The following CRIM1 variants were observed in gnomAD, a reference collection of about 807,000 sequenced individuals.
CRIM1 encodes cysteine rich transmembrane BMP regulator 1.
A neutral mutation model predicts 116.4 loss-of-function variants in CRIM1; 32 were observed. That is an observed-to-expected ratio of 0.27 (90% CI 0.21 to 0.37). CRIM1 has a LOEUF of 0.37. Among genes scored for constraint, CRIM1 ranks in the 10% least tolerant of loss-of-function variants. The probability of loss-of-function intolerance (pLI) is 1.00; values close to 1 mark genes in which losing one functional copy is unlikely to be tolerated. For synonymous variants in CRIM1, 590 were observed against 509.2 expected, an observed-to-expected ratio of 1.16 and a Z score of -2.13; for missense variants, 1,331 against 1,354.8, an observed-to-expected ratio of 0.98 and a Z score of 0.28.
At chr2:36,511,648 T>C (rs1197553038) in intron 9 of CRIM1, among the ~76,000 whole-genome samples, 1 of 152,192 alleles carries the variant, frequency 6.6e-6, no homozygotes, top group African/African-American at 2.4e-5. Flanking sequence ...TGTCAGCACA[T>C]TCAGGGAGGA....
At chr2:36,499,005 G>T (rs144132857) in intron 7 of CRIM1, among the ~76,000 whole-genome samples, 2 of 152,184 alleles carry the variant, frequency 1.3e-5, no homozygotes, top group Non-Finnish European at 2.9e-5. Flanking sequence ...TTGCTCAAAC[G>T]CAAAGAAGCA....
intron 7 of CRIM1, among the ~76,000 whole-genome samples, chr2:36,489,796 C>T (rs982666005): frequency 6.6e-6 from 1 of 152,160 alleles, no homozygotes; most frequent in African/African-American, 2.4e-5. Context: ...GCAAGGCCCC[C>T]ATCATGAGAG....
chr2:36,538,502 G>A (rs1387056080), intron 14 of CRIM1, among the ~76,000 whole-genome samples: 1 of 152,140 alleles, frequency 6.6e-6, no homozygotes, highest in Non-Finnish European at 1.5e-5. Context: ...TTCAATACAG[G>A]GAGCTGGGAA....
chr2:36,368,486 A>C (rs1479792549), intron 1 of CRIM1, among the ~76,000 whole-genome samples: 3 of 152,256 alleles, frequency 2.0e-5, no homozygotes, highest in Non-Finnish European at 1.5e-5. Context: ...CTGCGGCTCT[A>C]AAACTTAAAG....
chr2:36,476,941 G>T lies in CRIM1; in HGVS notation c.1044G>T (p.Met348Ile). 6.2e-7 allele frequency: 1 copy of T among 1,614,128 alleles called. No individual in the cohort carries two copies. The highest frequency in any genetic ancestry group is 1.3e-5 in the African/African-American group (1 of 75,052). ...FNNVEYYDGDMFRMDNCRFCR... is the reference protein window; with the variant it reads ...FNNVEYYDGDIFRMDNCRFCR... ...ATGTGGAATATTATGATGGAGACAT[G>T]TTTCGAATGGACAACTGTCGGTTCT... The change falls in exon 6 of 17, where the codon ATG (methionine) becomes ATT (isoleucine). Residue 348 changes from methionine (M) to isoleucine (I), a missense_variant. Met to Ile is a conservative substitution (Grantham distance 10). Around this residue, in one of 3 missense-constraint regions of CRIM1, gnomAD observed 690 missense variants for 676.0 expected, o/e 1.02. Coordinates refer to ENST00000280527, the MANE Select transcript of CRIM1 (RefSeq NM_016441.3).
intron 4 of CRIM1, among the ~76,000 whole-genome samples, chr2:36,453,512 A>G (rs1383188098): frequency 6.6e-6 from 1 of 152,226 alleles, no homozygotes; most frequent in African/African-American, 2.4e-5. Flanking sequence ...CGGGTAAGTA[A>G]TGAATGCTTT....
In CRIM1 at chr2:36,478,495, A is replaced by G. The variant is rs534013760; in HGVS notation, c.1175-1002A>G. Among the ~76,000 whole-genome samples, 12 of 152,292 alleles carry G rather than the reference A, an allele frequency of 7.9e-5. No homozygotes were observed. In the South Asian group the frequency reaches 2.5e-3, roughly 32 times the overall value. On this transcript the variant is annotated intron_variant, in intron 6 of 16. Transcript: ENST00000280527. Reference sequence around the variant, plus strand: ...CTCAACGTAGAAAAATATGTATTCTAATACTTTTTACACAGGAATTTAAAA... The same window carrying G: ...CTCAACGTAGAAAAATATGTATTCTGATACTTTTTACACAGGAATTTAAAA...
intron 13 of CRIM1, 95 bp from the exon 14 acceptor site, chr2:36,537,257 T>G: frequency 8.6e-7 from 1 of 1,167,358 alleles, no homozygotes; most frequent in Non-Finnish European, 1.2e-6. Flanking sequence ...AAGCATACTG[T>G]GATTATACAA....
At chr2:36,417,730 G>C (rs913411625) in intron 2 of CRIM1, among the ~76,000 whole-genome samples, 6 of 152,150 alleles carry the variant, frequency 3.9e-5, no homozygotes, top group Non-Finnish European at 1.5e-5. Context: ...GGTACGGCCC[G>C]AACTCAAGAG....
At chr2:36,392,865 G>C (rs1671724344) in intron 1 of CRIM1, among the ~76,000 whole-genome samples, 1 of 152,194 alleles carries the variant, frequency 6.6e-6, no homozygotes, top group African/African-American at 2.4e-5. Context: ...CTACGATGTT[G>C]TTAGCTTTAG....
At chr2:36,517,904 C>G (rs1665137156) in intron 12 of CRIM1, among the ~76,000 whole-genome samples, 1 of 152,060 alleles carries the variant, frequency 6.6e-6, no homozygotes, top group Non-Finnish European at 1.5e-5. Flanking sequence ...CTTTATGTAA[C>G]AAATGAGAAG....
intron 2 of CRIM1, among the ~76,000 whole-genome samples, chr2:36,410,296 T>C (rs1673109437): frequency 6.6e-6 from 1 of 152,168 alleles, no homozygotes; most frequent in Admixed American, 6.5e-5. Flanking sequence ...GAAAAGCAAA[T>C]GAAGTGCTTT....
At chr2:36,532,242 C>G (rs529434368) in intron 13 of CRIM1, among the ~76,000 whole-genome samples, 1 of 152,330 alleles carries the variant, frequency 6.6e-6, no homozygotes, top group South Asian at 2.1e-4. Flanking sequence ...TACAGCCTAC[C>G]AGGACTACTT....
At chr2:36,390,083 A>T (rs978648242) in intron 1 of CRIM1, among the ~76,000 whole-genome samples, 1 of 152,138 alleles carries the variant, frequency 6.6e-6, no homozygotes, top group African/African-American at 2.4e-5. Flanking sequence ...AGAAGGAAAG[A>T]ATTTCAGGCA....
At chr2:36,523,069 C>G (rs1288820707) in intron 13 of CRIM1, among the ~76,000 whole-genome samples, 2 of 151,780 alleles carry the variant, frequency 1.3e-5, no homozygotes, top group African/African-American at 2.4e-5. Flanking sequence ...ATTCTCCTGC[C>G]TCAGCCTCCC....
intron 5 of CRIM1, among the ~76,000 whole-genome samples, chr2:36,475,427 T>C (rs1335426623): frequency 6.6e-6 from 1 of 152,240 alleles, no homozygotes; most frequent in Non-Finnish European, 1.5e-5. Context: ...GGAGTTGCAA[T>C]TGTACTCTGC....
chr2:36,507,980 C>T (rs1338383308), intron 8 of CRIM1, among the ~76,000 whole-genome samples: 2 of 152,150 alleles, frequency 1.3e-5, no homozygotes, highest in African/African-American at 4.8e-5. Context: ...GTAGCCATGA[C>T]CTAAGCATTC....
At chr2:36,534,052 A>AGAAG (rs972346633) in intron 13 of CRIM1, among the ~76,000 whole-genome samples, 1 of 131,492 alleles carries the variant, frequency 7.6e-6, no homozygotes, top group Non-Finnish European at 1.6e-5. Context: ...GGACAGAGGG[A>AGAAG]GAAGGAAGGA....
At chr2:36,387,951 C>A (rs1317036466) in intron 1 of CRIM1, among the ~76,000 whole-genome samples, 1 of 148,306 alleles carries the variant, frequency 6.7e-6, no homozygotes, top group Non-Finnish European at 1.5e-5. Flanking sequence ...ATGCTTAGTT[C>A]ATTCTTTTTT....
Sources: gnomAD v4.1 joint callset for allele counts (sites outside exome capture counted in the v4.1 genomes callset) on GRCh38, gnomAD v4.1.1 for gene constraint, gnomAD v4.1.1 regional missense constraint, MANE v1.5 for transcripts, NCBI Gene and HGNC (gene_info 2026-07-23, HGNC 2026-07-21) for gene names.